HECA: variants seen among roughly 807,000 people sequenced by gnomAD.
HECA encodes the protein HECA ribonucleoprotein granule regulator, also known as headcase protein homolog.
A neutral mutation model predicts 37.6 loss-of-function variants in HECA; 13 were observed. That is an observed-to-expected ratio of 0.35 (90% CI 0.23 to 0.55). The LOEUF (loss-of-function observed/expected upper bound fraction) is 0.55. HECA is among the 20% of genes least tolerant of loss of function. The pLI is 0.90. For synonymous variants in HECA, 307 were observed against 291.5 expected (o/e 1.05, Z -0.54); for missense variants, 527 against 701.9 (o/e 0.75, Z 2.82).
chr6:139,135,216 G>T lies in HECA; in HGVS notation c.-181G>T. 2.6e-6 allele frequency: 1 copy of T among 389,924 alleles called. No individual in the cohort carries two copies. Among genetic ancestry groups the T allele is most frequent in the Non-Finnish European group, 3.7e-6 (1 of 267,534 alleles). 24.2% of individuals were successfully genotyped at this position (389,924 alleles called of 1,614,324 possible). ...CGCGTGCCGGCTCCAGGAAGCCGGA[G>T]AGGGCGCGGCGGCCAGGATGGCGCG... On this transcript the variant is annotated 5_prime_UTR_variant, in exon 1 of 4. Transcript: ENST00000367658.
intron 2 of HECA, among the ~76,000 whole-genome samples, chr6:139,173,308 C>G (rs569800287): frequency 6.6e-6 from 1 of 152,298 alleles, no homozygotes; most frequent in East Asian, 1.9e-4. Flanking sequence ...CTTTCCACAT[C>G]CCAGACACTG....
At chr6:139,139,902 T>C (rs932177126) in intron 1 of HECA, among the ~76,000 whole-genome samples, 4 of 152,350 alleles carry the variant, frequency 2.6e-5, no homozygotes, top group Non-Finnish European at 5.9e-5. Flanking sequence ...ACCAGTACCA[T>C]TCACATAAAA....
At chr6:139,158,261 G>C (rs1774744970) in intron 1 of HECA, among the ~76,000 whole-genome samples, 1 of 152,148 alleles carries the variant, frequency 6.6e-6, no homozygotes, top group Non-Finnish European at 1.5e-5. Flanking sequence ...CCAGCACTTT[G>C]GGAGGCCGAG....
intron 1 of HECA, among the ~76,000 whole-genome samples, chr6:139,165,702 T>C (rs1774873830): frequency 1.3e-5 from 2 of 152,278 alleles, no homozygotes; most frequent in Middle Eastern, 3.4e-3. Context: ...AGTTCCCATA[T>C]CCATGAATCA....
At chr6:139,157,848 A>C (rs1166450028) in intron 1 of HECA, among the ~76,000 whole-genome samples, 1 of 152,148 alleles carries the variant, frequency 6.6e-6, no homozygotes, top group Non-Finnish European at 1.5e-5. Context: ...GTGTGCCTGC[A>C]TGTAGCAAAA....
rs1442829119 is a variant in HECA, at chr6:139,166,466, C to T, written c.454C>T (p.Arg152Cys). 1.2e-6 allele frequency: 2 copies of T among 1,614,142 alleles called. No homozygotes were observed. Among genetic ancestry groups the T allele is most frequent in the Admixed American group, 1.7e-5 (1 of 60,028 alleles). Residue 152 changes from arginine (R) to cysteine (C), a missense_variant, in exon 2 of 4, where the codon CGC becomes TGC. Physicochemically the swap from Arg to Cys is radical, Grantham distance 180. This residue lies in a region of HECA where 21 missense variants were observed against 51.2 expected (regional missense o/e 0.41). Coordinates refer to ENST00000367658, the MANE Select transcript of HECA (RefSeq NM_016217.3). ...CCAGTTCAACTGCATCGGCCGCGCG[C>T]GCAGCTGGAACGAGAAGCAATGCCG... ...LVQFNCIGRARSWNEKQCRQN... is the reference protein window; with the variant it reads ...LVQFNCIGRACSWNEKQCRQN...
At chr6:139,155,722 G>A (rs1019946672) in intron 1 of HECA, 1 of 152,136 alleles carries the variant, frequency 6.6e-6, no homozygotes, top group South Asian at 2.1e-4. Flanking sequence ...AGGATGCTGT[G>A]TAGTTTTCAA....
intron 1 of HECA, among the ~76,000 whole-genome samples, chr6:139,151,426 G>A (rs182048356): frequency 2.2e-4 from 34 of 151,328 alleles, no homozygotes; most frequent in Admixed American, 1.1e-3. Context: ...AACTCAATCC[G>A]TTTAACTAAA....
Position 139,135,515 on chromosome 6 carries a change from C to A in HECA, c.119C>A (p.Ala40Asp). 1 of 1,036,220 alleles carries A rather than the reference C, an allele frequency of 9.7e-7. No individual in the cohort carries two copies. Among genetic ancestry groups the A allele is most frequent in the Non-Finnish European group, 1.2e-6 (1 of 862,374 alleles). The allele number at this position is 1,036,220 out of a possible 1,614,324, so 64.2% of individuals were successfully genotyped here. The change falls in exon 1 of 4, where the codon GCC becomes GAC. Residue 40 changes from alanine to aspartate, a missense_variant. Physicochemically the swap from Ala to Asp is moderately radical, Grantham distance 126. Around this residue, in one of 4 missense-constraint regions of HECA, gnomAD observed 172 missense variants for 197.6 expected, o/e 0.87. Transcript: ENST00000367658. ...LAAAGAAGAA[A>D]GGALAAAAGC... ...GCGGCGGGCGCGGCGGGAGCGGCGG[C>A]CGGGGGGGCCCTGGCGGCGGCGGCC...
At chr6:139,147,650 G>A (rs1197599098) in intron 1 of HECA, among the ~76,000 whole-genome samples, 13 of 152,152 alleles carry the variant, frequency 8.5e-5, no homozygotes, top group African/African-American at 3.1e-4. Flanking sequence ...TACTTGAACT[G>A]AAATTACATT....
At chr6:139,155,637 A>T (rs578165778) in intron 1 of HECA, 2 of 152,298 alleles carry the variant, frequency 1.3e-5, no homozygotes, top group African/African-American at 4.8e-5. Flanking sequence ...CCATTTTATG[A>T]TAGTGTGATT....
chr6:139,143,234 A>G (rs192067070), intron 1 of HECA, among the ~76,000 whole-genome samples: 1 of 152,262 alleles, frequency 6.6e-6, no homozygotes, highest in East Asian at 1.9e-4. Context: ...TTTGAAGGAA[A>G]ACAGTATATG....
intron 1 of HECA, among the ~76,000 whole-genome samples, chr6:139,152,626 G>T (rs754849333): frequency 2.6e-5 from 4 of 152,086 alleles, no homozygotes; most frequent in South Asian, 2.1e-4. Flanking sequence ...TTACATCAAA[G>T]GTTAAGACAG....
chr6:139,138,545 T>C lies in HECA; in HGVS notation c.271+2878T>C, dbSNP rs187370268. Among the ~76,000 whole-genome samples the C allele has an allele frequency of 1.6e-4, 24 of 152,356 alleles. No homozygotes were observed. In the East Asian group the frequency reaches 3.7e-3, roughly 23 times the overall value. On this transcript the variant is annotated intron_variant, in intron 1 of 3. Coordinates refer to ENST00000367658, the MANE Select transcript of HECA (RefSeq NM_016217.3). ...GGAGTTTATAGAATGGTTTTGTGTCTTGTAGCTCTTGGGCAGTGCGGCCAC... is the reference window on the plus strand; with the variant it reads ...GGAGTTTATAGAATGGTTTTGTGTCCTGTAGCTCTTGGGCAGTGCGGCCAC...
chr6:139,166,577 A>G lies in HECA; in HGVS notation c.565A>G (p.Thr189Ala). The G allele has an allele frequency of 1.2e-6, 2 of 1,614,226 alleles. No individual in the cohort carries two copies. The highest frequency in any genetic ancestry group is 1.7e-6 in the Non-Finnish European group (2 of 1,180,028). Residue 189 changes from threonine (T) to alanine (A), a missense_variant, in exon 2 of 4, where the codon ACA becomes GCA. Physicochemically the swap from Thr to Ala is moderately conservative, Grantham distance 58. Transcript: ENST00000367658. ...RCGQGHLKKD[T>A]DWYQVKRMQD... ...TGGCCAGGGCCACTTGAAGAAGGAC[A>G]CAGACTGGTATCAGGTGAAGCGGAT...
chr6:139,156,089 G>T, intron 1 of HECA, among the ~76,000 whole-genome samples: 1 of 152,050 alleles, frequency 6.6e-6, no homozygotes, highest in African/African-American at 2.4e-5. Context: ...ATACTAACTT[G>T]TGGCAGTATT....
intron 2 of HECA, among the ~76,000 whole-genome samples, chr6:139,167,591 A>G (rs945611039): frequency 3.3e-5 from 5 of 152,150 alleles, no homozygotes; most frequent in Non-Finnish European, 7.3e-5. Context: ...GGTTTTGCAT[A>G]ATGGGGAAGG....
chr6:139,163,441 G>A (rs1036851327), intron 1 of HECA, among the ~76,000 whole-genome samples: 2 of 149,498 alleles, frequency 1.3e-5, no homozygotes, highest in Non-Finnish European at 2.9e-5. Flanking sequence ...TACAACCTTC[G>A]TCTTCCAATT....
rs1451899081 is a variant in HECA, at chr6:139,176,581, A to G, written c.1468-360A>G. 6.6e-6 allele frequency among the ~76,000 whole-genome samples: 1 copy of G among 152,232 alleles called. No homozygotes were observed. Among genetic ancestry groups the G allele is most frequent in the Non-Finnish European group, 1.5e-5 (1 of 68,038 alleles). The stretch of plus-strand genomic sequence containing the variant: ...AGAAAACGCAACTTTTCTATAGAGT[A>G]GAATGAAAAATGAAATTTCAAAGAA... On this transcript the variant is annotated intron_variant, in intron 3 of 3. Coordinates refer to ENST00000367658, the MANE Select transcript of HECA (RefSeq NM_016217.3). The surrounding 1 kb of genome is among the most constrained non-coding windows in gnomAD (Gnocchi z 4.5).
Sources: gnomAD v4.1 joint callset for allele counts (sites outside exome capture counted in the v4.1 genomes callset) on GRCh38, gnomAD v4.1.1 for gene constraint, gnomAD v4.1.1 regional missense constraint, Gnocchi (gnomAD v3.1) non-coding constraint, MANE v1.5 for transcripts, NCBI Gene and HGNC (gene_info 2026-07-23, HGNC 2026-07-21) for gene names.